STRBP: variants seen among roughly 807,000 people sequenced by gnomAD.
The protein encoded by STRBP is spermatid perinuclear RNA-binding protein.
A neutral mutation model predicts 80.1 loss-of-function variants in STRBP; 13 were observed. The ratio of observed to expected loss-of-function variants is 0.16; its 90% confidence interval spans 0.11 to 0.26. STRBP has a LOEUF of 0.26. Ranked by LOEUF, STRBP falls within the 10% of genes least tolerant of loss-of-function variation. STRBP has a pLI of 1.00. For missense variants in STRBP, 485 were observed against 815.2 expected (o/e 0.59, Z 4.93); for synonymous variants, 284 against 291.2 (o/e 0.98, Z 0.25).
At chr9:123,139,720 C>A in intron 13 of STRBP, 33 bp from the exon 14 acceptor site, 1 of 1,597,510 alleles carries the variant, frequency 6.3e-7, no homozygotes. Context: ...CAGTTTTATT[C>A]AGACACGAGA....
rs560646017 is a variant in STRBP at position 123,110,424 on chromosome 9, A to G, written c.*85-671T>C. 7.1e-5 allele frequency: 12 copies of G among 169,204 alleles called. No individual in the cohort carries two copies. The highest frequency in any genetic ancestry group is 2.6e-4 in the African/African-American group (11 of 41,622). 10.5% of individuals were successfully genotyped at this position (169,204 alleles called of 1,614,324 possible). A position where few individuals can be genotyped will look rare whatever the true frequency, so the allele number is the denominator to read the frequency against. ...GCCCTAATTTATGGTTACCTCAGGA[A>G]ACCTTCTTTTGAAGAAGTGGCTGGG... On this transcript the variant is annotated intron_variant and NMD_transcript_variant, in intron 3 of 3. Coordinates refer to the STRBP transcript ENST00000471564. This position sits in a 1 kb window ranked among gnomAD's most constrained non-coding sequence, Gnocchi z 4.1.
intron 4 of STRBP, among the ~76,000 whole-genome samples, 193 bp from the exon 5 acceptor site, chr9:123,174,035 G>C (rs2132436793): frequency 6.6e-6 from 1 of 152,292 alleles, no homozygotes; most frequent in East Asian, 1.9e-4. Flanking sequence ...AGTCAATGGG[G>C]AACGTATTTC....
chr9:123,261,254 A>G (rs1008694280), intron 1 of STRBP, among the ~76,000 whole-genome samples: 15 of 152,228 alleles, frequency 9.9e-5, no homozygotes, highest in African/African-American at 3.4e-4. Context: ...TATCCCATTC[A>G]GTCCATGAAA....
chr9:123,166,895 G>C lies in STRBP; in HGVS notation c.535+3007C>G, dbSNP rs111382406. Among the ~76,000 whole-genome samples, 586 of 152,284 alleles carry C rather than the reference G, an allele frequency of 3.8e-3. 2 individuals are homozygous for C. The highest frequency in any genetic ancestry group is 0.013 in the African/African-American group (523 of 41,550). On this transcript the variant is annotated intron_variant, in intron 6 of 18. Transcript: ENST00000348403. ...TGGGGATATGGTTATTCTACAGGGC[G>C]TTCAAGTAAAGGGTTAGAATACAGA...
chr9:123,116,860 A>G (rs2035654211), downstream of STRBP, among the ~76,000 whole-genome samples: 1 of 152,226 alleles, frequency 6.6e-6, no homozygotes, highest in African/African-American at 2.4e-5. Context: ...CTGTAAAAGG[A>G]GAAAATTTCT....
rs1289204063 is a variant in STRBP, at chr9:123,160,490, T to C, written c.628-28A>G. 3 of 1,548,012 alleles carry C rather than the reference T, an allele frequency of 1.9e-6. No individual in the cohort carries two copies. The East Asian group carries it at 6.9e-5, about 36-fold the overall frequency. ...AAAACAAACAAAATGATTCCAGATA[T>C]CCCTATTGAGATCTATTCTTCATTT... On this transcript the variant is annotated intron_variant, in intron 7 of 18. Coordinates refer to ENST00000348403, the MANE Select transcript of STRBP (RefSeq NM_018387.5).
chr9:123,236,228 T>G (rs1021643740), intron 2 of STRBP, among the ~76,000 whole-genome samples: 3 of 152,208 alleles, frequency 2.0e-5, no homozygotes, highest in Non-Finnish European at 4.4e-5. Context: ...TTGGTGAAAT[T>G]ATATGAACAC....
At chr9:123,178,406 T>A (rs2038314106) in intron 4 of STRBP, among the ~76,000 whole-genome samples, 1 of 152,194 alleles carries the variant, frequency 6.6e-6, no homozygotes, top group Non-Finnish European at 1.5e-5. Context: ...CCAGGTACCA[T>A]TTCAGTTTCA....
rs149093084 is a variant in STRBP, at chr9:123,156,946, T to C, written c.1045+1066A>G. Reference sequence around the variant, plus strand: ...GGGAAAAAAAAATATTTTTGAGGCCTAAGGAAGGCAGTAAGTGGATTCACA... The same window carrying C: ...GGGAAAAAAAAATATTTTTGAGGCCCAAGGAAGGCAGTAAGTGGATTCACA... On this transcript the variant is annotated intron_variant, in intron 11 of 18. Transcript: ENST00000348403. Among the ~76,000 whole-genome samples, 4 of 152,262 alleles carry C rather than the reference T, an allele frequency of 2.6e-5. No homozygotes were observed. The East Asian group carries it at 7.7e-4, about 29-fold the overall frequency.
At chr9:123,196,363 T>C (rs1020910446) in intron 2 of STRBP, among the ~76,000 whole-genome samples, 1 of 151,744 alleles carries the variant, frequency 6.6e-6, no homozygotes, top group East Asian at 1.9e-4. Context: ...AAGGCAAAAA[T>C]GGACAAATGG....
intron 5 of STRBP, among the ~76,000 whole-genome samples, chr9:123,171,362 T>C (rs980398546): frequency 2.6e-5 from 4 of 152,160 alleles, no homozygotes; most frequent in African/African-American, 7.2e-5. Flanking sequence ...ACTAACGTAC[T>C]TAGATAACTG....
chr9:123,246,616 A>C (rs1251593728), intron 1 of STRBP, among the ~76,000 whole-genome samples: 1 of 152,224 alleles, frequency 6.6e-6, no homozygotes, highest in African/African-American at 2.4e-5. Flanking sequence ...AACATAACAG[A>C]ATTTGACAGT....
In STRBP at chr9:123,115,627, T is replaced by C. The variant is rs1296031620; in HGVS notation, c.*84+302A>G. On this transcript the variant is annotated intron_variant and NMD_transcript_variant, in intron 3 of 3. Transcript: ENST00000471564. The surrounding 1 kb of genome is among the most constrained non-coding windows in gnomAD (Gnocchi z 5.0). ...GAAGCAGTAGGTGACAGTGAATGGT[T>C]TTTCTCAATAAATCTACGTGCCCAA... 8.8e-6 allele frequency: 3 copies of C among 339,284 alleles called. No individual in the cohort carries two copies. The highest frequency in any genetic ancestry group is 8.0e-5 in the Admixed American group (2 of 25,146). 21.0% of individuals were successfully genotyped at this position (339,284 alleles called of 1,614,324 possible). A position where few individuals can be genotyped will look rare whatever the true frequency, so the allele number is the denominator to read the frequency against.
intron 3 of STRBP, chr9:123,111,547 G>T: frequency 2.2e-6 from 1 of 456,878 alleles, no homozygotes; most frequent in Non-Finnish European, 4.5e-6. Context: ...TGTAGGCAGG[G>T]GCAGGGCTGG....
intron 14 of STRBP, among the ~76,000 whole-genome samples, chr9:123,137,211 G>A (rs1400586240): frequency 6.6e-6 from 1 of 152,126 alleles, no homozygotes; most frequent in African/African-American, 2.4e-5. Context: ...AGAGCATGAA[G>A]GTGCAAATGA....
chr9:123,132,095 G>A (rs1417493757), intron 17 of STRBP, among the ~76,000 whole-genome samples: 5 of 152,216 alleles, frequency 3.3e-5, no homozygotes, highest in Admixed American at 1.3e-4. Context: ...GGAAGGCAGA[G>A]AGAGGGCATT....
At chr9:123,162,411 T>C (rs1226469920) in intron 6 of STRBP, among the ~76,000 whole-genome samples, 1 of 151,924 alleles carries the variant, frequency 6.6e-6, no homozygotes, top group Non-Finnish European at 1.5e-5. Context: ...AGATATGGGA[T>C]CTCACTATGT....
intron 1 of STRBP, among the ~76,000 whole-genome samples, chr9:123,252,817 C>A (rs1344308945): frequency 2.0e-5 from 3 of 152,140 alleles, no homozygotes; most frequent in Non-Finnish European, 4.4e-5. Flanking sequence ...CCAAAGCCAG[C>A]ATATTTTAAC....
rs2037937821 is a variant in STRBP at position 123,169,938 on chromosome 9, G to T, written c.499C>A (p.Pro167Thr). 6.3e-7 allele frequency: 1 copy of T among 1,599,020 alleles called. No individual in the cohort carries two copies. The change falls in exon 6 of 19, where the codon CCT becomes ACT. Residue 167 changes from proline to threonine, a missense_variant. Coordinates refer to ENST00000348403, the MANE Select transcript of STRBP (RefSeq NM_018387.5). ...TLTLKVILTS[P>T]LIRDELEKKD... The stretch of plus-strand genomic sequence containing the variant: ...TTCTCCAATTCGTCCCTAATTAGAG[G>T]TGAGGTAAGTATCACCTTCAAAGTT...
Sources: allele counts gnomAD v4.1 joint callset (sites outside exome capture counted in the v4.1 genomes callset), GRCh38; gene constraint gnomAD v4.1.1; non-coding constraint Gnocchi (gnomAD v3.1); transcripts MANE v1.5; gene names NCBI Gene and HGNC (gene_info 2026-07-23, HGNC 2026-07-21).